The following POLR1D variants were observed in gnomAD, a reference collection of about 807,000 sequenced individuals.
POLR1D encodes the protein DNA-directed RNA polymerases I and III subunit RPAC2.
POLR1D carries 8 observed loss-of-function variants against 10.8 expected under a neutral mutation model. The observed-to-expected ratio is 0.74, with a 90% CI of 0.43 to 1.33. POLR1D has a LOEUF of 1.33. Among genes scored for constraint, POLR1D ranks in the 40% most tolerant of loss-of-function variants. POLR1D has a pLI of 0.01. For missense variants in POLR1D, 152 were observed against 161.7 expected, an observed-to-expected ratio of 0.94 and a Z score of 0.32; for synonymous variants, 54 against 57.2, an observed-to-expected ratio of 0.94 and a Z score of 0.25.
At chr13:27,625,402 T>C (rs1955999090), downstream of POLR1D, among the ~76,000 whole-genome samples, 1 of 152,046 alleles carries the variant, frequency 6.6e-6, no homozygotes, top group South Asian at 2.1e-4. Context: ...TAGAATTGAA[T>C]TGGCACAGAA....
intron 2 of POLR1D, among the ~76,000 whole-genome samples, chr13:27,658,544 A>T (rs1159859035): frequency 6.6e-6 from 1 of 152,158 alleles, no homozygotes; most frequent in African/African-American, 2.4e-5. Context: ...GAGTGGTATT[A>T]TTTTTTTCAT....
upstream of POLR1D, chr13:27,621,282 C>T (rs1955912296): frequency 6.6e-6 from 1 of 152,250 alleles, no homozygotes; most frequent in Non-Finnish European, 1.5e-5. Context: ...CAGTTTTCTC[C>T]CAAACTCTCA....
chr13:27,622,337 C>G (rs1202348021), intron 1 of POLR1D: 1 of 468,906 alleles, frequency 2.1e-6, no homozygotes. Flanking sequence ...TACGGCTCAC[C>G]TTCTTTCTAT....
At chr13:27,638,063 C>T (rs1327826793) in intron 1 of POLR1D, among the ~76,000 whole-genome samples, 1 of 152,148 alleles carries the variant, frequency 6.6e-6, no homozygotes, top group Non-Finnish European at 1.5e-5. Flanking sequence ...TGCCTCAAAG[C>T]CATGTTTGAT....
At chr13:27,636,151 G>A (rs1012377051) in intron 1 of POLR1D, among the ~76,000 whole-genome samples, 1 of 152,128 alleles carries the variant, frequency 6.6e-6, no homozygotes, top group Non-Finnish European at 1.5e-5. Context: ...GGTACTTAAA[G>A]TGTTGTCCTC....
chr13:27,650,248 A>C (rs1304156618), intron 2 of POLR1D: 1 of 388,556 alleles, frequency 2.6e-6, no homozygotes. Context: ...ATAGGTTTGA[A>C]GTCATGATAT....
intron 2 of POLR1D, among the ~76,000 whole-genome samples, chr13:27,652,231 C>G (rs1407234265): frequency 6.6e-6 from 1 of 152,168 alleles, no homozygotes; most frequent in Non-Finnish European, 1.5e-5. Context: ...TGCCAGCTCT[C>G]CAGATAGACA....
At chr13:27,646,943 A>T (rs1451023377) in intron 1 of POLR1D, among the ~76,000 whole-genome samples, 1 of 152,186 alleles carries the variant, frequency 6.6e-6, no homozygotes, top group Non-Finnish European at 1.5e-5. Context: ...ATATCATTTG[A>T]AGATTATATA....
intron 1 of POLR1D, among the ~76,000 whole-genome samples, chr13:27,636,887 G>C (rs1452729176): frequency 6.6e-6 from 1 of 152,174 alleles, no homozygotes; most frequent in Non-Finnish European, 1.5e-5. Flanking sequence ...TGGATGAGAT[G>C]GTCCTAATAT....
chr13:27,628,694 A>G (rs1474648982), intron 1 of POLR1D, among the ~76,000 whole-genome samples: 1 of 152,182 alleles, frequency 6.6e-6, no homozygotes, highest in African/African-American at 2.4e-5. Context: ...CTGTATATGT[A>G]TTTACCTAAC....
chr13:27,657,058 G>A (rs1402910092), intron 2 of POLR1D, among the ~76,000 whole-genome samples: 1 of 152,314 alleles, frequency 6.6e-6, no homozygotes, highest in East Asian at 1.9e-4. Context: ...AAAGGTCTGT[G>A]AGAAGTTAGG....
exon 3 of POLR1D, chr13:27,667,351 CAA>C (rs1186811293): frequency 6.6e-6 from 1 of 152,170 alleles, no homozygotes; most frequent in Non-Finnish European, 1.5e-5. Context: ...AGAAATAGCA[CAA>C]AGTCATGGAG....
At chr13:27,640,879 C>A (rs931705047) in intron 1 of POLR1D, among the ~76,000 whole-genome samples, 1 of 152,114 alleles carries the variant, frequency 6.6e-6, no homozygotes, top group Non-Finnish European at 1.5e-5. Flanking sequence ...CTACATGCCT[C>A]TTCCTGTATA....
intron 2 of POLR1D, among the ~76,000 whole-genome samples, chr13:27,655,010 G>A (rs921115506): frequency 6.6e-6 from 1 of 152,168 alleles, no homozygotes; most frequent in Non-Finnish European, 1.5e-5. Flanking sequence ...CACATGGTGA[G>A]AACTGCTGCT....
chr13:27,636,342 C>T (rs972472151), intron 1 of POLR1D, among the ~76,000 whole-genome samples: 3 of 152,122 alleles, frequency 2.0e-5, no homozygotes, highest in Non-Finnish European at 4.4e-5. Context: ...ATAATTTCCT[C>T]GGTTTTATAT....
At chr13:27,633,598 T>A (rs1956094814) in intron 1 of POLR1D, among the ~76,000 whole-genome samples, 1 of 152,218 alleles carries the variant, frequency 6.6e-6, no homozygotes, top group Admixed American at 6.5e-5. Flanking sequence ...TAATTTGATG[T>A]CTGTTGTGCC....
At chr13:27,638,540 C>G (rs1225981332) in intron 1 of POLR1D, among the ~76,000 whole-genome samples, 1 of 151,660 alleles carries the variant, frequency 6.6e-6, no homozygotes, top group Non-Finnish European at 1.5e-5. Flanking sequence ...TCTTTTTTTC[C>G]CTATTCTTTG....
intron 1 of POLR1D, among the ~76,000 whole-genome samples, chr13:27,639,873 C>A (rs1012869130): frequency 6.6e-6 from 1 of 152,094 alleles, no homozygotes; most frequent in Non-Finnish European, 1.5e-5. Flanking sequence ...CTCTCCTTGC[C>A]CCTCTCACTA....
At chr13:27,657,093 G>A (rs994602057) in intron 2 of POLR1D, among the ~76,000 whole-genome samples, 1 of 152,194 alleles carries the variant, frequency 6.6e-6, no homozygotes, top group Non-Finnish European at 1.5e-5. Context: ...GCACTAAGGG[G>A]AGCATGAGAA....
Sources: allele counts gnomAD v4.1 joint callset (sites outside exome capture counted in the v4.1 genomes callset), GRCh38; gene constraint gnomAD v4.1.1; transcripts MANE v1.5; gene names NCBI Gene and HGNC (gene_info 2026-07-23, HGNC 2026-07-21).